Variants in TMEM150B observed in about 807,000 individuals in gnomAD.
TMEM150B encodes modulator of macroautophagy TMEM150B.
TMEM150B carries 33 observed loss-of-function variants against 25.2 expected under a neutral mutation model. The observed-to-expected ratio is 1.31, with a 90% CI of 0.99 to 1.75. The LOEUF (loss-of-function observed/expected upper bound fraction) is 1.75. TMEM150B is among the 40% of genes most tolerant of loss of function. TMEM150B has a pLI of 0.00. For missense variants in TMEM150B, 322 were observed against 306.1 expected (o/e 1.05, Z -0.39); for synonymous variants, 133 against 134.8 (o/e 0.99, Z 0.09).
At chr19:55,317,041 T>A (rs1211134587) in intron 6 of TMEM150B, 75 bp from the exon 7 acceptor site, 1 of 1,400,226 alleles carries the variant, frequency 7.1e-7, no homozygotes, top group East Asian at 2.5e-5. Context: ...GCCAGGGCCC[T>A]TCACCAATGC....
chr19:55,312,092 G>GGACCCCCCTC, downstream of TMEM150B: 1 of 1,328,030 alleles, frequency 7.5e-7, no homozygotes, highest in Non-Finnish European at 1.0e-6. Flanking sequence ...GGGAGGGAGG[G>GGACCCCCCTC]GACCCCCCTC....
chr19:55,320,163 G>C lies in TMEM150B; in HGVS notation c.200C>G (p.Ala67Gly). Residue 67 changes from alanine to glycine, a missense_variant, in exon 6 of 8, where the codon GCG becomes GGG. By Grantham distance (60) the Ala-to-Gly change is moderately conservative (BLOSUM62 0). Coordinates refer to ENST00000326652, the MANE Select transcript of TMEM150B (RefSeq NM_001282011.2). The stretch of plus-strand genomic sequence containing the variant: ...GTGGTAACGGACAATGCAGATCCAC[G>C]CGGCTGGGAGTAGAGGGGAGAAGGA... ...QVLNMGAALA[A>G]WICIVRYHQL... 6.2e-7 allele frequency: 1 copy of C among 1,614,028 alleles called. No homozygotes were observed. Among genetic ancestry groups the C allele is most frequent in the Non-Finnish European group, 8.5e-7 (1 of 1,179,968 alleles).
intron 4 of TMEM150B, 32 bp downstream of exon 4, chr19:55,320,526 C>T: frequency 6.2e-7 from 1 of 1,612,572 alleles, no homozygotes; most frequent in Non-Finnish European, 8.5e-7. Context: ...CAGCGGCGAT[C>T]CCCCCAAATC....
intron 6 of TMEM150B, 34 bp downstream of exon 6, chr19:55,320,005 C>A: frequency 2.5e-6 from 4 of 1,613,460 alleles, no homozygotes; most frequent in Non-Finnish European, 3.4e-6. Flanking sequence ...CAGACGCCGG[C>A]CGGGACAGAC....
At chr19:55,311,846 C>G, downstream of TMEM150B, 1 of 1,550,236 alleles carries the variant, frequency 6.5e-7, no homozygotes, top group Non-Finnish European at 8.8e-7. Context: ...TGCCCCCATC[C>G]CCTGGTAATG....
chr19:55,313,200 G>T (rs1325462199), intron 7 of TMEM150B, 145 bp from the exon 8 acceptor site: 2 of 818,518 alleles, frequency 2.4e-6, no homozygotes, highest in African/African-American at 1.8e-5. Context: ...TCACAGACGG[G>T]GCCTCGCCTT....
chr19:55,316,326 C>T lies in TMEM150B; in HGVS notation c.505+460G>A, dbSNP rs569463560. Among the ~76,000 whole-genome samples the T allele has an allele frequency of 7.4e-5, 11 of 149,186 alleles. No homozygotes were observed. The South Asian group carries it at 2.4e-3, about 32-fold the overall frequency. On this transcript the variant is annotated intron_variant, in intron 7 of 7. Transcript: ENST00000326652. ...CCTCACGCGCATCCTGGCCGAAAGA[C>T]TTTTCCTGTCTGAACCCGTCTTCAC... is the stretch of plus-strand genomic sequence containing the variant.
At chr19:55,320,858 T>A in intron 3 of TMEM150B, 111 bp downstream of exon 3, 2 of 1,196,660 alleles carry the variant, frequency 1.7e-6, no homozygotes, top group Non-Finnish European at 2.2e-6. Context: ...TCCTCCTCCC[T>A]CAGATCCAGG....
At chr19:55,314,823 C>G (rs548998473) in intron 7 of TMEM150B, among the ~76,000 whole-genome samples, 2 of 152,298 alleles carry the variant, frequency 1.3e-5, no homozygotes, top group South Asian at 4.1e-4. Context: ...CCAGGAAATA[C>G]GATCACCATT....
At chr19:55,315,132 A>T (rs914680586) in intron 7 of TMEM150B, among the ~76,000 whole-genome samples, 3 of 151,728 alleles carry the variant, frequency 2.0e-5, no homozygotes, top group African/African-American at 7.3e-5. Flanking sequence ...CCTGCCCAGC[A>T]TGGTGAAACC....
At chr19:55,310,209 A>G (rs937664556), downstream of TMEM150B, among the ~76,000 whole-genome samples, 1 of 152,214 alleles carries the variant, frequency 6.6e-6, no homozygotes, top group Non-Finnish European at 1.5e-5. This position sits in a 1 kb window ranked among gnomAD's most constrained non-coding sequence, Gnocchi z 5.0. Context: ...CAGAAGTCCC[A>G]CATGGTCTCT....
At chr19:55,313,922 A>G (rs1054545857) in intron 7 of TMEM150B, among the ~76,000 whole-genome samples, 4 of 152,174 alleles carry the variant, frequency 2.6e-5, no homozygotes, top group Non-Finnish European at 5.9e-5. Context: ...AAGGGGGCTG[A>G]GAAGTGGTGG....
At chr19:55,317,823 C>T (rs1022832101) in intron 6 of TMEM150B, among the ~76,000 whole-genome samples, 7 of 150,660 alleles carry the variant, frequency 4.6e-5, no homozygotes, top group Admixed American at 4.0e-4. Context: ...CATGGTGGCT[C>T]AGGCCTGTAA....
At chr19:55,316,423 C>T (rs1169938852) in intron 7 of TMEM150B, among the ~76,000 whole-genome samples, 1 of 152,072 alleles carries the variant, frequency 6.6e-6, no homozygotes, top group African/African-American at 2.4e-5. Context: ...ATTCTTCCAG[C>T]GTCTATTGGT....
chr19:55,312,687 T>C, downstream of TMEM150B: 1 of 745,732 alleles, frequency 1.3e-6, no homozygotes. Context: ...CCACCAGCTG[T>C]TCAGAGGCCC....
chr19:55,311,995 T>C, downstream of TMEM150B: 1 of 1,544,614 alleles, frequency 6.5e-7, no homozygotes, highest in Non-Finnish European at 8.7e-7. Context: ...GACCCAGAGC[T>C]GAGCAGCTCT....
At chr19:55,321,189 G>A (rs2089198703) in intron 2 of TMEM150B, 96 bp from the exon 3 acceptor site, 4 of 1,422,936 alleles carry the variant, frequency 2.8e-6, no homozygotes, top group Admixed American at 2.9e-5. Flanking sequence ...CACCTGTAGG[G>A]GTCTGATCTG....
At chr19:55,320,311 TG>T (rs893368435) in intron 5 of TMEM150B, 79 bp downstream of exon 5, 1 of 1,503,586 alleles carries the variant, frequency 6.7e-7, no homozygotes, top group Non-Finnish European at 8.9e-7. Flanking sequence ...CATGGACTCC[TG>T]GGTTTGAGAA....
In TMEM150B at chr19:55,321,083, C is replaced by T. The variant is rs762081417; in HGVS notation, c.-47G>A. The T allele has an allele frequency of 1.3e-6, 2 of 1,585,614 alleles. No homozygotes were observed. Among genetic ancestry groups the T allele is most frequent in the East Asian group, 2.3e-5 (1 of 43,594 alleles). ...ATCGGGGCTGAGGCTGGACACCTGTCTCTCTCACACCTGAAGAACCAGCCC... is the reference window on the plus strand; with the variant it reads ...ATCGGGGCTGAGGCTGGACACCTGTTTCTCTCACACCTGAAGAACCAGCCC... On this transcript the variant is annotated 5_prime_UTR_variant, in exon 3 of 8. Coordinates refer to ENST00000326652, the MANE Select transcript of TMEM150B (RefSeq NM_001282011.2).
Sources: allele counts gnomAD v4.1 joint callset (sites outside exome capture counted in the v4.1 genomes callset), GRCh38; gene constraint gnomAD v4.1.1; non-coding constraint Gnocchi (gnomAD v3.1); transcripts MANE v1.5; gene names NCBI Gene and HGNC (gene_info 2026-07-23, HGNC 2026-07-21).